NUDCD1: variants seen among roughly 807,000 people sequenced by gnomAD.
NUDCD1 encodes the protein NudC domain containing 1.
Under a neutral mutation model 67.8 loss-of-function variants are expected in NUDCD1, and 60 were observed. The ratio of observed to expected loss-of-function variants is 0.88; its 90% CI spans 0.72 to 1.10. The LOEUF (loss-of-function observed/expected upper bound fraction) is 1.10. Among genes scored for constraint, NUDCD1 ranks in the 50% least tolerant of loss-of-function variants. The pLI, the probability that NUDCD1 is intolerant of heterozygous loss-of-function variation, is 0.00. For synonymous variants in NUDCD1, 244 were observed against 230.8 expected (o/e 1.06, Z -0.52); for missense variants, 643 against 695.0 (o/e 0.93, Z 0.84).
At chr8:109,262,190 G>A (rs1280985138) in intron 8 of NUDCD1, among the ~76,000 whole-genome samples, 1 of 152,162 alleles carries the variant, frequency 6.6e-6, no homozygotes, top group East Asian at 1.9e-4. Context: ...TTTAACTTCT[G>A]TATGTTTTGA....
At position 109,293,383 on chromosome 8, in the gene NUDCD1, C is replaced by CATAGAA; in HGVS notation, c.595_600dup (p.Phe199_Tyr200dup). The stretch of plus-strand genomic sequence containing the variant: ...CTGATAGTGACCCACTCCAGAGAAA[C>CATAGAA]ATAGAAACCACTTCCTTTCATATCC... On this transcript the variant is annotated inframe_insertion, in exon 4 of 10. Coordinates refer to ENST00000239690, the MANE Select transcript of NUDCD1 (RefSeq NM_032869.4). The CATAGAA allele has an allele frequency of 6.3e-7, 1 of 1,585,996 alleles. No individual in the cohort carries two copies. Among genetic ancestry groups the CATAGAA allele is most frequent in the Non-Finnish European group, 8.6e-7 (1 of 1,167,326 alleles).
chr8:109,301,534 G>A (rs1013798999), intron 2 of NUDCD1, among the ~76,000 whole-genome samples: 3 of 152,184 alleles, frequency 2.0e-5, no homozygotes, highest in Non-Finnish European at 4.4e-5. Context: ...GGACTCCTTT[G>A]GGAGACCAGT....
In NUDCD1 at chr8:109,334,059, G is replaced by C; in HGVS notation, c.-49C>G. On this transcript the variant is annotated 5_prime_UTR_variant, in exon 1 of 10. Coordinates refer to ENST00000239690, the MANE Select transcript of NUDCD1 (RefSeq NM_032869.4). ...GAATTAATAAAGCCCTTGTTGAAAG[G>C]TCCGCGCTTCACGCCTCGCACAGAG... 1.2e-6 allele frequency: 2 copies of C among 1,611,352 alleles called. No individual in the cohort carries two copies. Among genetic ancestry groups the C allele is most frequent in the Non-Finnish European group, 1.7e-6 (2 of 1,178,386 alleles).
intron 3 of NUDCD1, 31 bp downstream of exon 3, chr8:109,296,353 G>T (rs749134246): frequency 1.3e-6 from 2 of 1,566,344 alleles, no homozygotes; most frequent in Admixed American, 3.4e-5. Flanking sequence ...ATACTTTCTG[G>T]ACTTCGCATA....
chr8:109,304,041 T>C (rs546799804), intron 2 of NUDCD1, among the ~76,000 whole-genome samples: 4 of 152,218 alleles, frequency 2.6e-5, no homozygotes, highest in African/African-American at 9.6e-5. Context: ...TAGATAAACC[T>C]AGCTGACCCC....
At chr8:109,270,490 T>C (rs1482556957) in intron 8 of NUDCD1, among the ~76,000 whole-genome samples, 3 of 152,156 alleles carry the variant, frequency 2.0e-5, no homozygotes, top group African/African-American at 7.2e-5. Context: ...TTCATTAATT[T>C]GAATTCTGTA....
intron 1 of NUDCD1, among the ~76,000 whole-genome samples, chr8:109,326,423 G>A (rs1459569969): frequency 1.3e-5 from 2 of 152,156 alleles, no homozygotes; most frequent in Admixed American, 1.3e-4. Flanking sequence ...TAGAAAAGCA[G>A]TGTCCAGAAT....
chr8:109,254,166 T>A (rs780994301), intron 8 of NUDCD1, among the ~76,000 whole-genome samples: 2 of 152,178 alleles, frequency 1.3e-5, no homozygotes, highest in Non-Finnish European at 2.9e-5. Flanking sequence ...CAATAGCTTA[T>A]GAGCAGTGGA....
chr8:109,320,083 G>A (rs1028048607), intron 2 of NUDCD1, among the ~76,000 whole-genome samples: 4 of 152,138 alleles, frequency 2.6e-5, no homozygotes, highest in Admixed American at 2.0e-4. Context: ...GAGGCAGGGC[G>A]AGATCACAAA....
intron 5 of NUDCD1, among the ~76,000 whole-genome samples, chr8:109,288,770 G>C (rs1352368434): frequency 1.3e-5 from 2 of 151,762 alleles, no homozygotes; most frequent in Non-Finnish European, 2.9e-5. Context: ...AAAATAACTT[G>C]TTTAACAAAA....
intron 4 of NUDCD1, 76 bp downstream of exon 4, chr8:109,293,268 T>G: frequency 1.3e-6 from 1 of 761,970 alleles, no homozygotes; most frequent in Non-Finnish European, 2.1e-6. Flanking sequence ...AAACAGTATT[T>G]ACAGGGACAG....
At chr8:109,320,225 C>A (rs900741089) in intron 2 of NUDCD1, among the ~76,000 whole-genome samples, 13 of 152,174 alleles carry the variant, frequency 8.5e-5, no homozygotes, top group African/African-American at 3.1e-4. Context: ...GGAATTTCCT[C>A]TTCCTAATAA....
At chr8:109,301,113 C>G (rs972278729) in intron 2 of NUDCD1, among the ~76,000 whole-genome samples, 25 of 152,200 alleles carry the variant, frequency 1.6e-4, no homozygotes, top group Non-Finnish European at 2.9e-5. Flanking sequence ...CCATCATATC[C>G]CCTGTGACCT....
In NUDCD1 at chr8:109,279,879, G is replaced by A. The variant is rs1404872467; in HGVS notation, c.1028+1089C>T. Among the ~76,000 whole-genome samples the A allele has an allele frequency of 4.6e-5, 7 of 152,028 alleles. No individual in the cohort carries two copies. The East Asian group carries it at 9.7e-4, about 21-fold the overall frequency. On this transcript the variant is annotated intron_variant, in intron 6 of 9. Coordinates refer to ENST00000239690, the MANE Select transcript of NUDCD1 (RefSeq NM_032869.4). ...ACTCCTGACCTCAGGCAATCCACCC[G>A]CCTCAGCCTCCCAAAGTGCTGGGAT...
chr8:109,260,403 G>A (rs1012613123), intron 8 of NUDCD1, among the ~76,000 whole-genome samples: 11 of 152,190 alleles, frequency 7.2e-5, no homozygotes, highest in Admixed American at 3.9e-4. Context: ...GTCTCGCTAT[G>A]TTGCCTAGGC....
chr8:109,243,679 GCATC>G (rs1397302143), intron 9 of NUDCD1, among the ~76,000 whole-genome samples: 15 of 152,080 alleles, frequency 9.9e-5, no homozygotes, highest in Admixed American at 7.2e-4. Context: ...TACGGATAGG[GCATC>G]ACAGAACCAT....
intron 7 of NUDCD1, among the ~76,000 whole-genome samples, chr8:109,274,085 T>C (rs1814220800): frequency 6.6e-6 from 1 of 152,036 alleles, no homozygotes; most frequent in Non-Finnish European, 1.5e-5. Flanking sequence ...AAAAAGAACC[T>C]ATCCTTCTTA....
chr8:109,332,960 G>A (rs954760899), intron 1 of NUDCD1, among the ~76,000 whole-genome samples: 5 of 152,030 alleles, frequency 3.3e-5, no homozygotes, highest in African/African-American at 1.2e-4. Flanking sequence ...CCCTATCACT[G>A]CCTTCCCATA....
At chr8:109,269,686 G>A (rs903540097) in intron 8 of NUDCD1, among the ~76,000 whole-genome samples, 65 of 152,088 alleles carry the variant, frequency 4.3e-4, no homozygotes, top group African/African-American at 1.5e-3. Flanking sequence ...CTGTATCAAA[G>A]ACTCACAAGT....
Sources: allele counts gnomAD v4.1 joint callset (sites outside exome capture counted in the v4.1 genomes callset), GRCh38; gene constraint gnomAD v4.1.1; transcripts MANE v1.5; gene names NCBI Gene and HGNC (gene_info 2026-07-23, HGNC 2026-07-21).